CNTNAP2: variants seen among roughly 807,000 people sequenced by gnomAD.
CNTNAP2 encodes the protein contactin-associated protein-like 2.
In CNTNAP2, 98 loss-of-function variants were observed where a neutral mutation model predicts 155.2. The ratio of observed to expected loss-of-function variants is 0.63; its 90% CI spans 0.54 to 0.75. CNTNAP2 has a LOEUF of 0.75. Among genes scored for constraint, CNTNAP2 ranks in the 30% least tolerant of loss-of-function variants. The probability of loss-of-function intolerance (pLI) is 0.00; values close to 1 mark genes in which losing one functional copy is unlikely to be tolerated. For missense variants in CNTNAP2, 1,727 were observed against 1,688.1 expected (o/e 1.02, Z -0.40); for synonymous variants, 651 against 631.2 (o/e 1.03, Z -0.47).
intron 20 of CNTNAP2, among the ~76,000 whole-genome samples, chr7:148,236,992 G>A (rs980923039): frequency 6.6e-6 from 1 of 152,052 alleles, no homozygotes; most frequent in African/African-American, 2.4e-5. Context: ...TTGGACACTG[G>A]GAATTACAAC....
chr7:147,751,130 A>G (rs936754436), intron 13 of CNTNAP2, among the ~76,000 whole-genome samples: 7 of 151,666 alleles, frequency 4.6e-5, no homozygotes, highest in Non-Finnish European at 8.8e-5. Context: ...TTCTGCCACA[A>G]TTAGCTGTGT....
At chr7:146,895,504 A>G (rs544907868) in intron 3 of CNTNAP2, among the ~76,000 whole-genome samples, 2 of 152,256 alleles carry the variant, frequency 1.3e-5, no homozygotes, top group Admixed American at 1.3e-4. Flanking sequence ...TCATAATCAA[A>G]TTATGTGTAT....
intron 15 of CNTNAP2, among the ~76,000 whole-genome samples, chr7:148,009,487 G>T (rs529544977): frequency 1.3e-5 from 2 of 152,036 alleles, no homozygotes; most frequent in African/African-American, 4.8e-5. Flanking sequence ...AATTAAATTT[G>T]TATATTATGC....
chr7:147,946,584 A>G (rs886163959), intron 14 of CNTNAP2, among the ~76,000 whole-genome samples: 9 of 152,070 alleles, frequency 5.9e-5, no homozygotes, highest in Non-Finnish European at 8.8e-5. Context: ...TTCTCCAAAG[A>G]GGGTGGAATT....
chr7:146,652,261 C>A (rs1177683656), intron 1 of CNTNAP2, among the ~76,000 whole-genome samples: 2 of 152,080 alleles, frequency 1.3e-5, no homozygotes, highest in African/African-American at 4.8e-5. Context: ...TATAAAGTTA[C>A]TTCAAAGAGG....
At chr7:146,735,693 G>T (rs1389686452) in intron 1 of CNTNAP2, among the ~76,000 whole-genome samples, 2 of 151,994 alleles carry the variant, frequency 1.3e-5, no homozygotes, top group Non-Finnish European at 2.9e-5. Context: ...ATATGTATGT[G>T]CATATATATA....
At chr7:146,215,447 C>A (rs1035467416) in intron 1 of CNTNAP2, among the ~76,000 whole-genome samples, 1 of 151,918 alleles carries the variant, frequency 6.6e-6, no homozygotes, top group Non-Finnish European at 1.5e-5. Context: ...CAAGGAAATT[C>A]GAAACCATCA....
At chr7:147,792,752 T>C (rs1454632222) in intron 13 of CNTNAP2, among the ~76,000 whole-genome samples, 1 of 152,182 alleles carries the variant, frequency 6.6e-6, no homozygotes, top group Non-Finnish European at 1.5e-5. Context: ...TGTAACAGTA[T>C]GTGTAGCCTT....
chr7:147,115,927 T>G (rs1584853400), intron 5 of CNTNAP2, among the ~76,000 whole-genome samples: 1 of 152,196 alleles, frequency 6.6e-6, no homozygotes, highest in South Asian at 2.1e-4. Context: ...TTGCATTGAT[T>G]GCTTCTCATC....
chr7:146,305,697 A>G (rs1483354295), intron 1 of CNTNAP2, among the ~76,000 whole-genome samples: 3 of 152,192 alleles, frequency 2.0e-5, no homozygotes, highest in Admixed American at 1.3e-4. Context: ...TTTGAAGCCA[A>G]TGAGAACAAA....
At chr7:146,518,012 A>G (rs1290694426) in intron 1 of CNTNAP2, among the ~76,000 whole-genome samples, 1 of 151,944 alleles carries the variant, frequency 6.6e-6, no homozygotes, top group African/African-American at 2.4e-5. Flanking sequence ...TTTACCCAGT[A>G]ACTATCTATT....
At chr7:148,166,272 T>G (rs981378967) in intron 17 of CNTNAP2, among the ~76,000 whole-genome samples, 1 of 152,234 alleles carries the variant, frequency 6.6e-6, no homozygotes, top group African/African-American at 2.4e-5. Context: ...TTGTGTGTTT[T>G]GCTTCAATAC....
At chr7:146,534,645 T>G (rs886485903) in intron 1 of CNTNAP2, among the ~76,000 whole-genome samples, 2 of 152,002 alleles carry the variant, frequency 1.3e-5, no homozygotes, top group Non-Finnish European at 2.9e-5. Flanking sequence ...GCTTCATATG[T>G]TGTAAAATGC....
intron 9 of CNTNAP2, among the ~76,000 whole-genome samples, chr7:147,317,508 T>C (rs943053621): frequency 6.6e-6 from 1 of 152,190 alleles, no homozygotes; most frequent in African/African-American, 2.4e-5. Context: ...TTATGCTGCC[T>C]TTGTCACAGG....
chr7:146,464,210 T>C (rs1338547615), intron 1 of CNTNAP2, among the ~76,000 whole-genome samples: 1 of 127,102 alleles, frequency 7.9e-6, no homozygotes, highest in Non-Finnish European at 1.8e-5. Context: ...TTTTTTTGGC[T>C]CTCTTTCTTT....
At position 147,699,431 on chromosome 7, in the gene CNTNAP2, T is replaced by C. The variant is rs945304505; in HGVS notation, c.2098+60125T>C. 4.0e-5 allele frequency among the ~76,000 whole-genome samples: 6 copies of C among 151,346 alleles called. No homozygotes were observed. In the East Asian group the frequency reaches 9.8e-4, roughly 25 times the overall value. On this transcript the variant is annotated intron_variant, in intron 13 of 23. Transcript: ENST00000361727. Reference sequence around the variant, plus strand: ...CACATGGACACAGGGAAGGGAACATTACACACCGGGGCCTGTCGTGGGGTG... The same window carrying C: ...CACATGGACACAGGGAAGGGAACATCACACACCGGGGCCTGTCGTGGGGTG...
intron 16 of CNTNAP2, among the ~76,000 whole-genome samples, chr7:148,147,220 G>T (rs1043261872): frequency 6.6e-6 from 1 of 152,118 alleles, no homozygotes; most frequent in Non-Finnish European, 1.5e-5. Context: ...TCTGGAGAGG[G>T]TCAATGATGG....
intron 14 of CNTNAP2, among the ~76,000 whole-genome samples, chr7:147,919,321 A>T (rs2116776749): frequency 6.6e-6 from 1 of 151,762 alleles, no homozygotes; most frequent in South Asian, 2.1e-4. Context: ...TCACTGTGTC[A>T]CCCAAGCTAG....
chr7:148,152,496 T>C (rs767497349), intron 17 of CNTNAP2, among the ~76,000 whole-genome samples: 3 of 152,128 alleles, frequency 2.0e-5, no homozygotes, highest in Non-Finnish European at 4.4e-5. Flanking sequence ...AGTTCTACAA[T>C]AGTGATGTTA....
Sources: gnomAD v4.1 joint callset for allele counts (sites outside exome capture counted in the v4.1 genomes callset) on GRCh38, gnomAD v4.1.1 for gene constraint, MANE v1.5 for transcripts, NCBI Gene and HGNC (gene_info 2026-07-23, HGNC 2026-07-21) for gene names.